Variants in DPP10 observed in about 807,000 individuals in gnomAD.
DPP10 encodes the protein dipeptidyl peptidase like 10.
A neutral mutation model predicts 120.9 loss-of-function variants in DPP10; 33 were observed. The ratio of observed to expected loss-of-function variants is 0.27; its 90% CI spans 0.21 to 0.37. DPP10 has a LOEUF of 0.37. Among genes scored for constraint, DPP10 ranks in the 10% least tolerant of loss-of-function variants. The pLI, the probability that DPP10 is intolerant of heterozygous loss-of-function variation, is 1.00. For synonymous variants in DPP10, 337 were observed against 326.1 expected (o/e 1.03, Z -0.36); for missense variants, 816 against 942.8 (o/e 0.87, Z 1.76).
At chr2:114,718,705 C>T (rs1318808634) in intron 1 of DPP10, among the ~76,000 whole-genome samples, 4 of 152,094 alleles carry the variant, frequency 2.6e-5, no homozygotes, top group Non-Finnish European at 5.9e-5. Context: ...AAATGACCAG[C>T]CTCAGGTTGT....
chr2:115,328,433 A>G (rs2062493857), intron 2 of DPP10, among the ~76,000 whole-genome samples: 1 of 152,116 alleles, frequency 6.6e-6, no homozygotes, highest in South Asian at 2.1e-4. Context: ...TTATGTAATC[A>G]ATGGATGATA....
chr2:115,011,149 A>G (rs1043963639), intron 1 of DPP10, among the ~76,000 whole-genome samples: 1 of 152,220 alleles, frequency 6.6e-6, no homozygotes, highest in Non-Finnish European at 1.5e-5. Flanking sequence ...CATACACTGC[A>G]TAATTTTAAA....
At chr2:115,679,667 A>T (rs2149468940) in intron 5 of DPP10, among the ~76,000 whole-genome samples, 1 of 152,352 alleles carries the variant, frequency 6.6e-6, no homozygotes, top group South Asian at 2.1e-4. Flanking sequence ...CAGCTATTAC[A>T]AAATAATAAA....
intron 1 of DPP10, among the ~76,000 whole-genome samples, chr2:114,543,267 G>A (rs1038474341): frequency 3.9e-5 from 6 of 152,212 alleles, no homozygotes; most frequent in South Asian, 2.1e-4. Flanking sequence ...AAGCACTGGC[G>A]ACGTCTTGTT....
chr2:115,472,761 A>T (rs1173396776), intron 3 of DPP10, among the ~76,000 whole-genome samples: 1 of 152,238 alleles, frequency 6.6e-6, no homozygotes, highest in Non-Finnish European at 1.5e-5. Flanking sequence ...ATATAGAAAC[A>T]ATAAATGCTT....
chr2:115,559,433 G>A (rs1480635681), intron 5 of DPP10, among the ~76,000 whole-genome samples: 1 of 152,076 alleles, frequency 6.6e-6, no homozygotes, highest in African/African-American at 2.4e-5. Context: ...TTTAACAACA[G>A]TAGCTTTCTT....
chr2:114,973,631 C>T (rs1389062560), intron 1 of DPP10, among the ~76,000 whole-genome samples: 3 of 118,838 alleles, frequency 2.5e-5, no homozygotes, highest in Admixed American at 1.2e-4. Context: ...CACTGCACTC[C>T]AGCCTGGGCA....
Position 115,499,533 on chromosome 2 carries a change from G to A in DPP10, c.295G>A (p.Glu99Lys), listed in dbSNP as rs141809253. ...INDTDVVYKSENGHVIKLNIE... is the reference protein window; with the variant it reads ...INDTDVVYKSKNGHVIKLNIE... ...AGATACAGATGTGGTGTATAAAAGC[G>A]AGAATGGACATGTCATTAAACTGAA... Residue 99 changes from glutamate (E) to lysine (K), a missense_variant, in exon 4 of 26, where the codon GAG becomes AAG. Around this residue, in one of 3 missense-constraint regions of DPP10, gnomAD observed 182 missense variants for 207.4 expected, o/e 0.88. Coordinates refer to ENST00000410059, the MANE Select transcript of DPP10 (RefSeq NM_020868.6). 6.9e-5 allele frequency: 112 copies of A among 1,611,552 alleles called. No individual in the cohort carries two copies. Among genetic ancestry groups the A allele is most frequent in the Non-Finnish European group, 8.6e-5 (101 of 1,178,584 alleles).
intron 21 of DPP10, among the ~76,000 whole-genome samples, chr2:115,817,891 T>C (rs1687427043): frequency 6.6e-6 from 1 of 151,046 alleles, no homozygotes; most frequent in Admixed American, 6.6e-5. Flanking sequence ...GTTGAGTTCA[T>C]GAAAAAAAAG....
chr2:114,502,434 C>T (rs1285708936), intron 1 of DPP10, among the ~76,000 whole-genome samples: 2 of 152,202 alleles, frequency 1.3e-5, no homozygotes, highest in East Asian at 1.9e-4. Flanking sequence ...ATACAGGTAC[C>T]AGTACGTAGA....
At chr2:115,445,397 A>T (rs1048388646) in intron 3 of DPP10, among the ~76,000 whole-genome samples, 1 of 152,154 alleles carries the variant, frequency 6.6e-6, no homozygotes, top group South Asian at 2.1e-4. Context: ...ATATGGAAAA[A>T]TTTGGAACTT....
intron 1 of DPP10, among the ~76,000 whole-genome samples, chr2:114,595,697 G>T (rs117827818): frequency 6.6e-6 from 1 of 152,206 alleles, no homozygotes; most frequent in East Asian, 1.9e-4. Flanking sequence ...AGATGACATG[G>T]TTCCTGGACA....
chr2:114,853,357 T>C (rs1689120102), intron 1 of DPP10, among the ~76,000 whole-genome samples: 2 of 152,180 alleles, frequency 1.3e-5, no homozygotes, highest in Non-Finnish European at 2.9e-5. Flanking sequence ...ACTTTCACTA[T>C]GATATACATC....
chr2:115,831,699 T>A lies in DPP10; in HGVS notation c.1951-4458T>A, dbSNP rs562097432. Reference sequence around the variant, plus strand: ...CTGCTTCTCCAAGTCCTTCTATCTATTGAATTTAGTTTCCTACATCATGAG... The same window carrying A: ...CTGCTTCTCCAAGTCCTTCTATCTAATGAATTTAGTTTCCTACATCATGAG... On this transcript the variant is annotated intron_variant, in intron 21 of 25. Coordinates refer to ENST00000410059, the MANE Select transcript of DPP10 (RefSeq NM_020868.6). Among the ~76,000 whole-genome samples the A allele has an allele frequency of 5.4e-4, 82 of 152,358 alleles. 1 individual carries two copies. In the South Asian group the frequency reaches 0.017, roughly 31 times the overall value.
At chr2:115,392,431 TCTTA>T (rs1378639516) in intron 3 of DPP10, among the ~76,000 whole-genome samples, 2 of 151,148 alleles carry the variant, frequency 1.3e-5, no homozygotes, top group South Asian at 2.1e-4. Context: ...ATTTTAGAGT[TCTTA>T]CTTTTTCATT....
chr2:115,322,142 A>C (rs1351892532), intron 2 of DPP10, among the ~76,000 whole-genome samples: 1 of 152,070 alleles, frequency 6.6e-6, no homozygotes, highest in Non-Finnish European at 1.5e-5. Context: ...CTTGAATATT[A>C]CAGTTTGGAA....
chr2:114,825,408 C>T (rs1227436350), intron 1 of DPP10, among the ~76,000 whole-genome samples: 1 of 152,146 alleles, frequency 6.6e-6, no homozygotes, highest in Admixed American at 6.5e-5. Context: ...CCTTCATGTG[C>T]TGGCTGGCTG....
chr2:115,492,731 A>G (rs930227248), intron 3 of DPP10, among the ~76,000 whole-genome samples: 10 of 152,290 alleles, frequency 6.6e-5, no homozygotes, highest in African/African-American at 1.4e-4. Context: ...TCAATTCTCA[A>G]AGGAACAAGA....
chr2:115,653,410 T>C (rs1296009719), intron 5 of DPP10, among the ~76,000 whole-genome samples: 3 of 152,138 alleles, frequency 2.0e-5, no homozygotes, highest in Non-Finnish European at 2.9e-5. Context: ...GTAGCACCAG[T>C]AGTTCACTTT....
Sources: allele counts gnomAD v4.1 joint callset (sites outside exome capture counted in the v4.1 genomes callset), GRCh38; gene constraint gnomAD v4.1.1; regional missense constraint gnomAD v4.1.1; transcripts MANE v1.5; gene names NCBI Gene and HGNC (gene_info 2026-07-23, HGNC 2026-07-21).